Variants in USH2A observed in about 807,000 individuals in gnomAD.
The protein encoded by USH2A is Usher syndrome 2A (autosomal recessive, mild).
USH2A carries 443 observed loss-of-function variants against 538.9 expected under a neutral mutation model. The ratio of observed to expected loss-of-function variants is 0.82; its 90% CI spans 0.76 to 0.89. USH2A has a LOEUF of 0.89. Among genes scored for constraint, USH2A ranks in the 40% least tolerant of loss-of-function variants. The pLI is 0.00. For synonymous variants in USH2A, 2,413 were observed against 2,273.5 expected (o/e 1.06, Z -1.75); for missense variants, 6,633 against 6,324.8 (o/e 1.05, Z -1.65).
At chr1:215,688,567 T>G (rs1658505975) in intron 61 of USH2A, among the ~76,000 whole-genome samples, 1 of 152,154 alleles carries the variant, frequency 6.6e-6, no homozygotes, top group Admixed American at 6.6e-5. Flanking sequence ...TTCTTGCAAT[T>G]CTTGAGGTTA....
At chr1:216,041,774 A>G (rs72744692) in intron 32 of USH2A, among the ~76,000 whole-genome samples, 3,468 of 152,244 alleles carry the variant, frequency 0.023, 59 homozygotes, top group Non-Finnish European at 0.037. Flanking sequence ...GGAAAATATA[A>G]AAGGTTAATA....
At chr1:216,314,727 AC>A (rs1014724828) in intron 9 of USH2A, among the ~76,000 whole-genome samples, 2 of 152,218 alleles carry the variant, frequency 1.3e-5, no homozygotes, top group African/African-American at 4.8e-5. Flanking sequence ...TATAATGCTA[AC>A]AAAAATTTAT....
intron 43 of USH2A, among the ~76,000 whole-genome samples, chr1:215,867,604 G>T (rs535817481): frequency 4.6e-5 from 7 of 152,276 alleles, no homozygotes; most frequent in South Asian, 2.1e-4. Context: ...TCAAATATCA[G>T]AATCCCTCAT....
At chr1:215,948,489 C>T (rs76256511) in intron 37 of USH2A, among the ~76,000 whole-genome samples, 4,856 of 150,498 alleles carry the variant, frequency 0.032, 122 homozygotes, top group South Asian at 0.084. Context: ...TACATCTATA[C>T]ATATATGATC....
chr1:215,926,974 G>T (rs1466493066), intron 38 of USH2A, among the ~76,000 whole-genome samples: 1 of 152,090 alleles, frequency 6.6e-6, no homozygotes, highest in African/African-American at 2.4e-5. Context: ...GTATTGCAGA[G>T]ATGGATAGTT....
chr1:216,028,683 T>C (rs995605580), intron 32 of USH2A, among the ~76,000 whole-genome samples: 6 of 151,992 alleles, frequency 3.9e-5, no homozygotes, highest in East Asian at 1.9e-4. Flanking sequence ...ATAGAGTGCA[T>C]GCAAATGGTT....
intron 13 of USH2A, among the ~76,000 whole-genome samples, chr1:216,238,420 G>A (rs1374035942): frequency 6.6e-6 from 1 of 152,098 alleles, no homozygotes; most frequent in African/African-American, 2.4e-5. Context: ...CACTGAAAAA[G>A]GGAACTGGGA....
rs542660893 is a variant in USH2A, at chr1:215,832,527, A to G, written c.9371+5464T>C. 3.3e-5 allele frequency among the ~76,000 whole-genome samples: 5 copies of G among 152,102 alleles called. No homozygotes were observed. The East Asian group carries it at 7.7e-4, about 23-fold the overall frequency. ...ATCATAGTACAAATTTAAAATGTCA[A>G]AAAAGCATGTGACAAATTTCCATGT... On this transcript the variant is annotated intron_variant, in intron 47 of 71. Transcript: ENST00000307340.
At chr1:216,303,730 G>A (rs1159062252) in intron 9 of USH2A, among the ~76,000 whole-genome samples, 1 of 151,788 alleles carries the variant, frequency 6.6e-6, no homozygotes, top group Non-Finnish European at 1.5e-5. Flanking sequence ...TATAGTAATT[G>A]GTGTCTGCCA....
chr1:215,659,637 T>G (rs1462053165), intron 64 of USH2A, among the ~76,000 whole-genome samples: 1 of 152,104 alleles, frequency 6.6e-6, no homozygotes, highest in Non-Finnish European at 1.5e-5. Context: ...TGGGGTAAGT[T>G]TTTTTTGTTG....
chr1:215,881,077 G>A (rs1664893222), intron 41 of USH2A, among the ~76,000 whole-genome samples: 1 of 152,146 alleles, frequency 6.6e-6, no homozygotes, highest in Non-Finnish European at 1.5e-5. Flanking sequence ...TTGAACTCCA[G>A]CCTGGGCAAC....
rs144503960 is a variant in USH2A at position 216,175,235 on chromosome 1, A to G, written c.4627+17T>C. Reference sequence around the variant, plus strand: ...AGCTTCGTGTCTCCTAAATAAAGCAATGTCAAACACACTTACCAGTGAAGT... The same window carrying G: ...AGCTTCGTGTCTCCTAAATAAAGCAGTGTCAAACACACTTACCAGTGAAGT... On this transcript the variant is annotated intron_variant, in intron 21 of 71. Coordinates refer to ENST00000307340, the MANE Select transcript of USH2A (RefSeq NM_206933.4). The G allele has an allele frequency of 1.4e-5, 22 of 1,613,522 alleles. No homozygotes were observed. In the African/African-American group the frequency reaches 2.4e-4, roughly 18 times the overall value.
Position 215,758,740 on chromosome 1 carries a change from C to T in USH2A, c.11244G>A (p.Lys3748=). ...NLEPNSRYTY[K]LEVKTGGGSS... ...TGCCACCTCCAGTTTTGACTTCTAA[C>T]TTGTAAGTGTATCTATATTTAAAAA... Residue 3748 remains lysine (K), a synonymous_variant, in exon 58 of 72, where the codon AAG becomes AAA. Coordinates refer to ENST00000307340, the MANE Select transcript of USH2A (RefSeq NM_206933.4). The T allele has an allele frequency of 8.1e-6, 13 of 1,613,852 alleles. No homozygotes were observed. The highest frequency in any genetic ancestry group is 1.3e-5 in the African/African-American group (1 of 75,036).
At chr1:215,717,603 G>A (rs190584167) in intron 61 of USH2A, among the ~76,000 whole-genome samples, 62 of 152,164 alleles carry the variant, frequency 4.1e-4, no homozygotes, top group African/African-American at 1.1e-3. Flanking sequence ...ACTATTTCTC[G>A]TTTGTTTGTA....
chr1:215,854,582 A>G (rs1664106998), intron 44 of USH2A, among the ~76,000 whole-genome samples: 1 of 152,208 alleles, frequency 6.6e-6, no homozygotes, highest in African/African-American at 2.4e-5. Flanking sequence ...GGCAAAAGAA[A>G]GAGAAAAGAG....
intron 51 of USH2A, among the ~76,000 whole-genome samples, chr1:215,788,890 C>A (rs1341053083): frequency 6.8e-6 from 1 of 147,934 alleles, no homozygotes; most frequent in African/African-American, 2.5e-5. Context: ...GAAGATAATT[C>A]TCCAAATGGA....
At position 216,324,340 on chromosome 1, in the gene USH2A, T is replaced by C. The variant is rs2037685831; in HGVS notation, c.1156A>G (p.Ile386Val). ...ENGQYQVFYI[I>V]IQFFSPQPTE... is the part of the protein sequence containing the mutation. Reference sequence around the variant, plus strand: ...GGTTGTGGACTAAAGAACTGAATGATAATATAAAACACCTGAAAATGGAAA... The same window carrying C: ...GGTTGTGGACTAAAGAACTGAATGACAATATAAAACACCTGAAAATGGAAA... The change falls in exon 7 of 72, where the codon ATC becomes GTC. Residue 386 changes from isoleucine (I) to valine (V), a missense_variant. Transcript: ENST00000307340. The C allele has an allele frequency of 1.2e-6, 2 of 1,611,404 alleles. No individual in the cohort carries two copies. The highest frequency in any genetic ancestry group is 1.7e-6 in the Non-Finnish European group (2 of 1,178,504).
chr1:215,865,875 C>T (rs908194903), intron 44 of USH2A, among the ~76,000 whole-genome samples: 7 of 152,250 alleles, frequency 4.6e-5, no homozygotes, highest in South Asian at 4.1e-4. Context: ...TTGATATCCT[C>T]AATTCTGGCT....
intron 21 of USH2A, among the ~76,000 whole-genome samples, chr1:216,108,135 C>G (rs952615159): frequency 2.6e-5 from 4 of 151,636 alleles, no homozygotes; most frequent in African/African-American, 9.7e-5. Flanking sequence ...TAGCCTAAAA[C>G]TTTTTTTAGC....
Sources: allele counts gnomAD v4.1 joint callset (sites outside exome capture counted in the v4.1 genomes callset), GRCh38; gene constraint gnomAD v4.1.1; transcripts MANE v1.5; gene names NCBI Gene and HGNC (gene_info 2026-07-23, HGNC 2026-07-21).